RPGRIP1: variants seen among roughly 807,000 people sequenced by gnomAD.
RPGRIP1 encodes the protein RPGR interacting protein 1, also known as X-linked retinitis pigmentosa GTPase regulator-interacting protein 1.
RPGRIP1 carries 128 observed loss-of-function variants against 157.9 expected under a neutral mutation model. That is an observed-to-expected ratio of 0.81 (90% confidence interval 0.70 to 0.94). RPGRIP1 has a LOEUF of 0.94. Ranked by LOEUF, RPGRIP1 falls within the 40% of genes least tolerant of loss-of-function variation. RPGRIP1 has a pLI of 0.00. For missense variants in RPGRIP1, 1,486 were observed against 1,545.8 expected (o/e 0.96, Z 0.65); for synonymous variants, 554 against 571.6 (o/e 0.97, Z 0.44).
At chr14:21,331,935 AAT>A in intron 20 of RPGRIP1, among the ~76,000 whole-genome samples, 1 of 143,584 alleles carries the variant, frequency 7.0e-6, no homozygotes, top group Non-Finnish European at 1.5e-5. Flanking sequence ...ATATATATAT[AAT>A]TTTTTTTTTT....
intron 24 of RPGRIP1, among the ~76,000 whole-genome samples, chr14:21,349,418 G>C (rs1237379403): frequency 1.8e-5 from 1 of 55,192 alleles, no homozygotes; most frequent in Non-Finnish European, 3.5e-5. Context: ...TTTTTTTTTT[G>C]AGATGGAGTC....
At chr14:21,280,934 A>G (rs912354919) in intron 1 of RPGRIP1, among the ~76,000 whole-genome samples, 11 of 152,126 alleles carry the variant, frequency 7.2e-5, no homozygotes, top group Non-Finnish European at 1.5e-4. Flanking sequence ...TTAATTGACA[A>G]TTTGAAATTG....
rs758533972 is a variant in RPGRIP1, at chr14:21,317,840, C to T, written c.1296C>T (p.Ser432=). 1 of 1,604,940 alleles carries T rather than the reference C, an allele frequency of 6.2e-7. No individual in the cohort carries two copies. The highest frequency in any genetic ancestry group is 1.1e-5 in the South Asian group (1 of 89,014). Residue 432 remains serine (S), a synonymous_variant, in exon 11 of 25, where the codon TCC becomes TCT. Coordinates refer to ENST00000400017, the MANE Select transcript of RPGRIP1 (RefSeq NM_020366.4). ...AGAGAAAAGTTTTACTTGAGCTGTCCAGGGAGAAAGGTAGGCTGGACCTTG... is the reference window on the plus strand; with the variant it reads ...AGAGAAAAGTTTTACTTGAGCTGTCTAGGGAGAAAGGTAGGCTGGACCTTG... ...EDKRKVLLEL[S]REKAQNEDLK... is the part of the protein sequence containing the mutation.
At chr14:21,340,469 A>G (rs1475207109) in intron 21 of RPGRIP1, among the ~76,000 whole-genome samples, 1 of 152,214 alleles carries the variant, frequency 6.6e-6, no homozygotes, top group East Asian at 1.9e-4. Flanking sequence ...AGCCTGGGCA[A>G]CATGGTGAAA....
intron 17 of RPGRIP1, among the ~76,000 whole-genome samples, chr14:21,327,210 A>G (rs1883205236): frequency 6.6e-6 from 1 of 152,220 alleles, no homozygotes; most frequent in African/African-American, 2.4e-5. Context: ...GACATCTGGC[A>G]TTTCGAAAGA....
chr14:21,283,140 A>C (rs1294784755), intron 1 of RPGRIP1, among the ~76,000 whole-genome samples: 2 of 152,124 alleles, frequency 1.3e-5, no homozygotes, highest in African/African-American at 4.8e-5. Flanking sequence ...GAACAACAGC[A>C]TCCCTTCTAC....
At chr14:21,337,256 C>T (rs1205647051) in intron 21 of RPGRIP1, among the ~76,000 whole-genome samples, 2 of 152,060 alleles carry the variant, frequency 1.3e-5, no homozygotes, top group South Asian at 4.1e-4. Flanking sequence ...CTCTATTAGG[C>T]CTTGTCTCCT....
intron 1 of RPGRIP1, among the ~76,000 whole-genome samples, chr14:21,286,108 G>A (rs543097852): frequency 1.3e-5 from 2 of 152,166 alleles, no homozygotes; most frequent in Admixed American, 1.3e-4. Flanking sequence ...TCCTGCCTCA[G>A]CCTCCTGAGT....
At chr14:21,331,054 T>C (rs778055154) in intron 20 of RPGRIP1, among the ~76,000 whole-genome samples, 14 of 151,444 alleles carry the variant, frequency 9.2e-5, no homozygotes, top group African/African-American at 1.7e-4. Context: ...GGATTACAGG[T>C]ATGTGCCACC....
chr14:21,302,498 C>G lies in RPGRIP1; in HGVS notation c.501C>G (p.Asp167Glu). Residue 167 changes from aspartate to glutamate, a missense_variant, in exon 5 of 25, where the codon GAC becomes GAG. Physicochemically the swap from Asp to Glu is conservative, Grantham distance 45 (BLOSUM62 2). Coordinates refer to ENST00000400017, the MANE Select transcript of RPGRIP1 (RefSeq NM_020366.4). ...TGTCTAAACTTTTAGGGCCAAGGGACAGGCTGAGCTACACAGCCCCTCCAT... is the reference window on the plus strand; with the variant it reads ...TGTCTAAACTTTTAGGGCCAAGGGAGAGGCTGAGCTACACAGCCCCTCCAT... ...VPEKPKRGPRDRLSYTAPPSF... is the reference protein window; with the variant it reads ...VPEKPKRGPRERLSYTAPPSF... 1.3e-6 allele frequency: 2 copies of G among 1,554,756 alleles called. No homozygotes were observed. The highest frequency in any genetic ancestry group is 1.7e-6 in the Non-Finnish European group (2 of 1,143,196).
At chr14:21,348,051 G>A (rs1885740780) in intron 23 of RPGRIP1, 121 bp from the exon 24 acceptor site, 1 of 815,174 alleles carries the variant, frequency 1.2e-6, no homozygotes, top group Non-Finnish European at 1.8e-6. Flanking sequence ...TTGTAAAATG[G>A]AGGCAAGGGA....
At chr14:21,318,840 CTT>C (rs34157462) in intron 11 of RPGRIP1, among the ~76,000 whole-genome samples, 37 of 143,052 alleles carry the variant, frequency 2.6e-4, no homozygotes, top group Admixed American at 2.8e-4. Flanking sequence ...AACTGGAATA[CTT>C]TTTTTTTTTT....
intron 24 of RPGRIP1, among the ~76,000 whole-genome samples, chr14:21,350,066 A>C (rs913920615): frequency 6.6e-6 from 1 of 152,068 alleles, no homozygotes; most frequent in African/African-American, 2.4e-5. Context: ...TGCAAACCAA[A>C]ACTGTGGGAA....
chr14:21,340,888 T>A (rs1594259541), intron 21 of RPGRIP1, among the ~76,000 whole-genome samples: 1 of 152,064 alleles, frequency 6.6e-6, no homozygotes, highest in East Asian at 1.9e-4. Flanking sequence ...GTTTCTTTTT[T>A]AAAAAGCTAG....
At position 21,325,996 on chromosome 14, in the gene RPGRIP1, C is replaced by T. The variant is rs1883056668; in HGVS notation, c.2533C>T (p.Pro845Ser). ...TGCCATCATTCCAGCCAGTAACAAC[C>T]CCTACTTTAGAGACCAGGCTCGATT... ...DTAIIPASNN[P>S]YFRDQARFPV... Residue 845 changes from proline (P) to serine (S), a missense_variant, in exon 17 of 25, where the codon CCC (proline) becomes TCC (serine). Physicochemically the swap from Pro to Ser is moderately conservative, Grantham distance 74. Coordinates refer to ENST00000400017, the MANE Select transcript of RPGRIP1 (RefSeq NM_020366.4). 2.5e-6 allele frequency: 4 copies of T among 1,613,978 alleles called. No individual in the cohort carries two copies. The highest frequency in any genetic ancestry group is 3.4e-6 in the Non-Finnish European group (4 of 1,179,890).
chr14:21,342,058 A>T (rs1356515485), intron 21 of RPGRIP1, among the ~76,000 whole-genome samples: 1 of 151,698 alleles, frequency 6.6e-6, no homozygotes, highest in Non-Finnish European at 1.5e-5. Context: ...TCAAAAAAAA[A>T]AAAAAAGACT....
In RPGRIP1 at chr14:21,300,300, C is replaced by T. The variant is rs964257145; in HGVS notation, c.219-666C>T. Among the ~76,000 whole-genome samples, 29 of 126,790 alleles carry T rather than the reference C, an allele frequency of 2.3e-4. 1 individual carries two copies. The highest frequency in any genetic ancestry group is 6.3e-4 in the Admixed American group (7 of 11,160). 83.2% of individuals were successfully genotyped at this position (126,790 alleles called of 152,430 possible). A position where few individuals can be genotyped will look rare whatever the true frequency, so the allele number is the denominator to read the frequency against. On this transcript the variant is annotated intron_variant, in intron 3 of 24. Transcript: ENST00000400017. ...AGCCTGGGAAACAAGAGAAAAAGTC[C>T]GTCTCAAAAAAAAAAAAAAAAGCCT...
At chr14:21,323,433 A>G (rs552156775) in intron 14 of RPGRIP1, among the ~76,000 whole-genome samples, 7 of 152,176 alleles carry the variant, frequency 4.6e-5, no homozygotes, top group African/African-American at 1.4e-4. Context: ...AAAAGAAAAA[A>G]AAAAAAGAAT....
chr14:21,342,443 C>T (rs12147335), intron 21 of RPGRIP1, among the ~76,000 whole-genome samples: 1 of 151,174 alleles, frequency 6.6e-6, no homozygotes, highest in Non-Finnish European at 1.5e-5. Flanking sequence ...ACTTGGGTGA[C>T]TAAGGTGGGA....
Sources: gnomAD v4.1 joint callset for allele counts (sites outside exome capture counted in the v4.1 genomes callset) on GRCh38, gnomAD v4.1.1 for gene constraint, MANE v1.5 for transcripts, NCBI Gene and HGNC (gene_info 2026-07-23, HGNC 2026-07-21) for gene names.